The following ZMAT4 variants were observed in gnomAD, a reference collection of about 807,000 sequenced individuals.
ZMAT4 encodes zinc finger matrin-type protein 4.
ZMAT4 carries 17 observed loss-of-function variants against 28.7 expected under a neutral mutation model. That is an observed-to-expected ratio of 0.59 (90% CI 0.41 to 0.89). The LOEUF is 0.89. Among genes scored for constraint, ZMAT4 ranks in the 40% least tolerant of loss-of-function variants. The pLI, the probability that ZMAT4 is intolerant of heterozygous loss-of-function variation, is 0.00. For missense variants in ZMAT4, 240 were observed against 283.8 expected (o/e 0.85, Z 1.11); for synonymous variants, 117 against 109.2 (o/e 1.07, Z -0.44).
intron 2 of ZMAT4, among the ~76,000 whole-genome samples, chr8:40,805,176 A>G (rs1451329624): frequency 1.3e-5 from 2 of 152,090 alleles, no homozygotes; most frequent in Non-Finnish European, 2.9e-5. Context: ...CAGCCAAAAA[A>G]CACATGAAAA....
chr8:40,647,907 C>T (rs1807418362), intron 5 of ZMAT4, among the ~76,000 whole-genome samples: 1 of 152,210 alleles, frequency 6.6e-6, no homozygotes, highest in Non-Finnish European at 1.5e-5. Context: ...AGGACATCCA[C>T]ACCAAAAACC....
chr8:40,546,612 G>T (rs1803211397), intron 6 of ZMAT4, among the ~76,000 whole-genome samples: 1 of 152,170 alleles, frequency 6.6e-6, no homozygotes, highest in Non-Finnish European at 1.5e-5. Context: ...AAAGACAGAA[G>T]AAATGAATTA....
At chr8:40,869,498 C>T (rs1353710356) in intron 1 of ZMAT4, among the ~76,000 whole-genome samples, 2 of 152,248 alleles carry the variant, frequency 1.3e-5, no homozygotes, top group Admixed American at 6.5e-5. Flanking sequence ...TGTAATTTCT[C>T]TCAGTCTCAA....
intron 4 of ZMAT4, among the ~76,000 whole-genome samples, chr8:40,693,504 C>T (rs1454590797): frequency 6.6e-6 from 1 of 152,208 alleles, no homozygotes; most frequent in Non-Finnish European, 1.5e-5. Flanking sequence ...TATACAGACA[C>T]TCACCCTAGC....
At chr8:40,794,473 T>C (rs1383010829) in intron 2 of ZMAT4, among the ~76,000 whole-genome samples, 2 of 152,212 alleles carry the variant, frequency 1.3e-5, no homozygotes, top group Non-Finnish European at 2.9e-5. Flanking sequence ...AGGCACTCTC[T>C]ACAGAATAGC....
chr8:40,584,688 G>A (rs1413114669), intron 5 of ZMAT4, among the ~76,000 whole-genome samples: 1 of 151,902 alleles, frequency 6.6e-6, no homozygotes, highest in Non-Finnish European at 1.5e-5. Context: ...GCTGGAGTGC[G>A]AGTGACATGA....
chr8:40,809,331 G>A (rs1225292603), intron 2 of ZMAT4, among the ~76,000 whole-genome samples: 1 of 152,160 alleles, frequency 6.6e-6, no homozygotes, highest in Non-Finnish European at 1.5e-5. Context: ...TGGAGAAGGA[G>A]GGAGAGGGTC....
intron 1 of ZMAT4, among the ~76,000 whole-genome samples, chr8:40,860,739 C>T (rs1487205387): frequency 6.6e-6 from 1 of 152,162 alleles, no homozygotes; most frequent in African/African-American, 2.4e-5. Context: ...CATGAGCGAC[C>T]CCTTGTCTGT....
rs59936081 is a variant in ZMAT4 at position 40,756,459 on chromosome 8, C to CATAT, written c.192+11181_192+11182insATAT. On this transcript the variant is annotated intron_variant, in intron 3 of 6. Transcript: ENST00000297737. ...ATATATATATATATATATATATATA[C>CATAT]ACACTTGTATACCTGAAAAAGAGAT... 2.2e-4 allele frequency among the ~76,000 whole-genome samples: 14 copies of CATAT among 64,944 alleles called. No individual in the cohort carries two copies. The Admixed American group carries it at 2.6e-3, about 12-fold the overall frequency. The allele number at this position is 64,944 out of a possible 152,430, so 42.6% of individuals were successfully genotyped here. A position where few individuals can be genotyped will look rare whatever the true frequency, so the allele number is the denominator to read the frequency against.
At chr8:40,808,850 T>TAAAA (rs36013592) in intron 2 of ZMAT4, among the ~76,000 whole-genome samples, 64 of 145,146 alleles carry the variant, frequency 4.4e-4, no homozygotes, top group African/African-American at 1.4e-3. Context: ...GCCAACTATT[T>TAAAA]AAAAAAAAAA....
rs918360920 is a variant in ZMAT4, at chr8:40,720,105, T to C, written c.193-22704A>G. Among the ~76,000 whole-genome samples, 3 of 152,230 alleles carry C rather than the reference T, an allele frequency of 2.0e-5. No homozygotes were observed. In the East Asian group the frequency reaches 5.8e-4, roughly 29 times the overall value. ...TAATTGCAAAGTAATAATGAATGTC[T>C]GCAGCTGAACATTCTTATCAACTTT... On this transcript the variant is annotated intron_variant, in intron 3 of 6. Coordinates refer to ENST00000297737, the MANE Select transcript of ZMAT4 (RefSeq NM_024645.3).
At chr8:40,821,788 G>A (rs1815839640) in intron 2 of ZMAT4, among the ~76,000 whole-genome samples, 1 of 152,134 alleles carries the variant, frequency 6.6e-6, no homozygotes, top group South Asian at 2.1e-4. Context: ...AAATGCTTAA[G>A]AGCCTCACAG....
intron 3 of ZMAT4, among the ~76,000 whole-genome samples, chr8:40,713,921 C>CAAAAAAAAAAAAA (rs532317102): frequency 7.4e-4 from 37 of 49,692 alleles, no homozygotes; most frequent in African/African-American, 1.0e-3. Flanking sequence ...AAAACAAAAC[C>CAAAAAAAAAAAAA]AAAAAAAAAA....
intron 3 of ZMAT4, among the ~76,000 whole-genome samples, chr8:40,743,272 T>C (rs959800903): frequency 6.6e-6 from 1 of 152,230 alleles, no homozygotes; most frequent in Non-Finnish European, 1.5e-5. Context: ...AAAACATTTA[T>C]TTGATTGCAT....
intron 3 of ZMAT4, among the ~76,000 whole-genome samples, chr8:40,740,032 T>G (rs1469014331): frequency 6.6e-6 from 1 of 152,242 alleles, no homozygotes; most frequent in African/African-American, 2.4e-5. Flanking sequence ...ATTTTCTTTA[T>G]CCAGTCTACC....
rs537906104 is a variant in ZMAT4, at chr8:40,795,896, C to A, written c.103-28166G>T. Among the ~76,000 whole-genome samples the A allele has an allele frequency of 4.6e-4, 70 of 152,280 alleles. 1 individual carries two copies. The South Asian group carries it at 0.012, about 27-fold the overall frequency. ...TGGTCCCTTCCTGTTACAAAATGAA[C>A]CTGAAAAGCAAAAGAAGTGCTTAAA... On this transcript the variant is annotated intron_variant, in intron 2 of 6. Coordinates refer to ENST00000297737, the MANE Select transcript of ZMAT4 (RefSeq NM_024645.3).
chr8:40,726,680 G>A (rs1049713833), intron 3 of ZMAT4, among the ~76,000 whole-genome samples: 1 of 152,160 alleles, frequency 6.6e-6, no homozygotes, highest in South Asian at 2.1e-4. Flanking sequence ...CCTGCTTTTT[G>A]TGAAAATAGT....
At chr8:40,815,238 G>A (rs1815482407) in intron 2 of ZMAT4, among the ~76,000 whole-genome samples, 1 of 152,144 alleles carries the variant, frequency 6.6e-6, no homozygotes, top group South Asian at 2.1e-4. Context: ...TCATGCAAAT[G>A]CACTCCAGTG....
chr8:40,853,199 GCTT>G (rs1817173805), intron 1 of ZMAT4, among the ~76,000 whole-genome samples: 1 of 152,154 alleles, frequency 6.6e-6, no homozygotes, highest in African/African-American at 2.4e-5. Flanking sequence ...CTTTATGTAT[GCTT>G]CTCATTTTGC....
Sources: gnomAD v4.1 joint callset for allele counts (sites outside exome capture counted in the v4.1 genomes callset) on GRCh38, gnomAD v4.1.1 for gene constraint, MANE v1.5 for transcripts, NCBI Gene and HGNC (gene_info 2026-07-23, HGNC 2026-07-21) for gene names.